The following ADAMTS14 variants were observed in gnomAD, a reference collection of about 807,000 sequenced individuals.
ADAMTS14 encodes the protein A disintegrin and metalloproteinase with thrombospondin motifs 14.
Under a neutral mutation model 128.6 loss-of-function variants are expected in ADAMTS14, and 100 were observed. The observed-to-expected ratio is 0.78, with a 90% CI of 0.66 to 0.92. ADAMTS14 has a LOEUF of 0.92. Ranked by LOEUF, ADAMTS14 falls within the 40% of genes least tolerant of loss-of-function variation. The pLI, the probability that ADAMTS14 is intolerant of heterozygous loss-of-function variation, is 0.00. For synonymous variants in ADAMTS14, 665 were observed against 653.8 expected (o/e 1.02, Z -0.26); for missense variants, 1,562 against 1,658.6 (o/e 0.94, Z 1.01).
intron 2 of ADAMTS14, among the ~76,000 whole-genome samples, chr10:70,679,115 G>A (rs187236661): frequency 1.3e-5 from 2 of 152,314 alleles, no homozygotes; most frequent in Admixed American, 1.3e-4. Flanking sequence ...GAGGCAGCAG[G>A]AGAAGGACCT....
At chr10:70,714,418 AC>A (rs1840958478) in intron 4 of ADAMTS14, among the ~76,000 whole-genome samples, 1 of 152,138 alleles carries the variant, frequency 6.6e-6, no homozygotes, top group South Asian at 2.1e-4. Context: ...GGATCTGAGC[AC>A]CACTGTGTCC....
intron 4 of ADAMTS14, among the ~76,000 whole-genome samples, chr10:70,728,095 C>CA (rs548466130): frequency 0.016 from 1,924 of 119,598 alleles, 21 homozygotes; most frequent in African/African-American, 0.021. Flanking sequence ...GACTCCACCT[C>CA]AAAAAAAAAA....
At chr10:70,746,918 C>G (rs1461411481) in intron 15 of ADAMTS14, among the ~76,000 whole-genome samples, 2 of 151,980 alleles carry the variant, frequency 1.3e-5, no homozygotes, top group Non-Finnish European at 2.9e-5. Context: ...AGAGGACGTG[C>G]AGGCCACAAT....
chr10:70,717,241 A>G (rs2132636237), intron 4 of ADAMTS14, among the ~76,000 whole-genome samples: 1 of 152,296 alleles, frequency 6.6e-6, no homozygotes, highest in East Asian at 1.9e-4. Context: ...GAATGGTACC[A>G]GTACCAAGGA....
At chr10:70,711,651 G>T (rs1160149901) in intron 4 of ADAMTS14, among the ~76,000 whole-genome samples, 1 of 152,198 alleles carries the variant, frequency 6.6e-6, no homozygotes, top group African/African-American at 2.4e-5. Flanking sequence ...GTTTGTTTTT[G>T]CGTGTATAAG....
intron 4 of ADAMTS14, among the ~76,000 whole-genome samples, chr10:70,713,234 C>T (rs1840916015): frequency 1.3e-5 from 2 of 152,100 alleles, no homozygotes; most frequent in Admixed American, 6.5e-5. Context: ...GAGCCCTGCT[C>T]CCCAGCTGGC....
intron 9 of ADAMTS14, among the ~76,000 whole-genome samples, chr10:70,736,111 G>A (rs1302764385): frequency 6.6e-6 from 1 of 152,240 alleles, no homozygotes; most frequent in African/African-American, 2.4e-5. Flanking sequence ...TCCAAATGCT[G>A]TACTTGTAGG....
chr10:70,703,277 G>T (rs1394192402), intron 3 of ADAMTS14, among the ~76,000 whole-genome samples: 1 of 152,194 alleles, frequency 6.6e-6, no homozygotes, highest in Non-Finnish European at 1.5e-5. Flanking sequence ...TCCTAGGCCC[G>T]CTGGTCAACT....
At chr10:70,735,655 C>T (rs763598998) in intron 9 of ADAMTS14, among the ~76,000 whole-genome samples, 5 of 152,214 alleles carry the variant, frequency 3.3e-5, no homozygotes, top group Non-Finnish European at 7.3e-5. Context: ...GGGGATGTGC[C>T]AAGTCTTTCA....
At chr10:70,734,631 G>A in intron 8 of ADAMTS14, among the ~76,000 whole-genome samples, 1 of 152,212 alleles carries the variant, frequency 6.6e-6, no homozygotes. Flanking sequence ...CTTCAAGGAT[G>A]TTCAGGTACA....
chr10:70,723,225 CTCAGTGCTGG>C (rs1841325883), intron 4 of ADAMTS14, among the ~76,000 whole-genome samples: 1 of 152,278 alleles, frequency 6.6e-6, no homozygotes, highest in East Asian at 1.9e-4. Context: ...CTTTTGATGA[CTCAGTGCTGG>C]TCATCAAAAA....
chr10:70,723,739 G>T (rs560411464), intron 4 of ADAMTS14, among the ~76,000 whole-genome samples: 1 of 152,130 alleles, frequency 6.6e-6, no homozygotes, highest in Non-Finnish European at 1.5e-5. Context: ...AGACCTGCCC[G>T]AGCCTGGCTA....
chr10:70,723,529 T>G (rs1841335727), intron 4 of ADAMTS14, among the ~76,000 whole-genome samples: 1 of 152,258 alleles, frequency 6.6e-6, no homozygotes, highest in African/African-American at 2.4e-5. Flanking sequence ...TAAAGTTATT[T>G]TAAAATAAAG....
intron 4 of ADAMTS14, among the ~76,000 whole-genome samples, chr10:70,725,862 G>A (rs1452709569): frequency 6.6e-6 from 1 of 152,052 alleles, no homozygotes; most frequent in Non-Finnish European, 1.5e-5. Flanking sequence ...CTCCTTTTAA[G>A]GGCCCACAAC....
rs1031631307 is a variant in ADAMTS14 at position 70,691,363 on chromosome 10, C to T, written c.523-10949C>T. On this transcript the variant is annotated intron_variant, in intron 2 of 21. Coordinates refer to ENST00000373207, the MANE Select transcript of ADAMTS14 (RefSeq NM_080722.4). ...CAAAAATTAGCTGGGTGTGGATGCA[C>T]ACCTGTAGTCCCAGCTACTCGGGAA... Among the ~76,000 whole-genome samples the T allele has an allele frequency of 2.1e-5, 3 of 141,856 alleles. No individual in the cohort carries two copies. The Admixed American group carries it at 2.1e-4, about 10-fold the overall frequency. The allele number at this position is 141,856 out of a possible 152,430, so 93.1% of individuals were successfully genotyped here. A position where few individuals can be genotyped will look rare whatever the true frequency, so the allele number is the denominator to read the frequency against.
intron 2 of ADAMTS14, among the ~76,000 whole-genome samples, chr10:70,700,686 C>G (rs1024839989): frequency 1.3e-5 from 2 of 152,170 alleles, no homozygotes; most frequent in East Asian, 1.9e-4. Context: ...TCCTTGCAAC[C>G]AGGAACCTGA....
At chr10:70,756,613 G>C (rs548243177) in intron 19 of ADAMTS14, among the ~76,000 whole-genome samples, 19 of 152,330 alleles carry the variant, frequency 1.2e-4, no homozygotes, top group African/African-American at 4.3e-4. Flanking sequence ...GACATGATAT[G>C]TATTGTGTTG....
chr10:70,755,313 CA>C (rs33982477), intron 19 of ADAMTS14, among the ~76,000 whole-genome samples: 53,116 of 118,012 alleles, frequency 0.45, 9,846 homozygotes, highest in Admixed American at 0.54. Flanking sequence ...GCTTGTCTCA[CA>C]AAAAAAAAAA....
intron 2 of ADAMTS14, 44 bp from the exon 3 acceptor site, chr10:70,702,268 C>T: frequency 6.2e-7 from 1 of 1,612,866 alleles, no homozygotes; most frequent in Non-Finnish European, 8.5e-7. Context: ...TGTGTTCATG[C>T]CTCTTATTTC....
Sources: allele counts gnomAD v4.1 joint callset (sites outside exome capture counted in the v4.1 genomes callset), GRCh38; gene constraint gnomAD v4.1.1; transcripts MANE v1.5; gene names NCBI Gene and HGNC (gene_info 2026-07-23, HGNC 2026-07-21).